TFDP2: variants seen among roughly 807,000 people sequenced by gnomAD.
The protein encoded by TFDP2 is transcription factor Dp-2.
A neutral mutation model predicts 59.3 loss-of-function variants in TFDP2; 17 were observed. The ratio of observed to expected loss-of-function variants is 0.29; its 90% CI spans 0.20 to 0.43. The LOEUF (loss-of-function observed/expected upper bound fraction) is 0.43. Among genes scored for constraint, TFDP2 ranks in the 20% least tolerant of loss-of-function variants. TFDP2 has a pLI of 1.00. For synonymous variants in TFDP2, 180 were observed against 194.7 expected, an observed-to-expected ratio of 0.92 and a Z score of 0.63; for missense variants, 391 against 528.8, an observed-to-expected ratio of 0.74 and a Z score of 2.56.
chr3:142,022,984 G>A (rs1385994437), intron 3 of TFDP2, among the ~76,000 whole-genome samples: 1 of 151,442 alleles, frequency 6.6e-6, no homozygotes, highest in Non-Finnish European at 1.5e-5. Context: ...GCCGGGCGCA[G>A]TGGCATGCGC....
intron 1 of TFDP2, among the ~76,000 whole-genome samples, chr3:142,130,456 A>ATTGT (rs1035749969): frequency 6.7e-6 from 1 of 149,094 alleles, no homozygotes; most frequent in East Asian, 2.0e-4. Context: ...AATGGGAATT[A>ATTGT]TTGTTTGTTT....
intron 3 of TFDP2, among the ~76,000 whole-genome samples, chr3:142,058,575 C>A (rs979750379): frequency 6.6e-6 from 1 of 152,058 alleles, no homozygotes; most frequent in African/African-American, 2.4e-5. Context: ...TAATAATTTG[C>A]TAGAATGACA....
intron 1 of TFDP2, among the ~76,000 whole-genome samples, chr3:142,118,338 A>C (rs2061917022): frequency 6.6e-6 from 1 of 152,338 alleles, no homozygotes; most frequent in East Asian, 1.9e-4. Context: ...TGTACTGCAA[A>C]GTCAGAAAAT....
At chr3:141,991,617 C>T (rs9868050) in intron 6 of TFDP2, among the ~76,000 whole-genome samples, 10,345 of 151,994 alleles carry the variant, frequency 0.068, 445 homozygotes, top group Non-Finnish European at 0.1. Flanking sequence ...AATTAGCGGG[C>T]ACACGCCTGT....
intron 4 of TFDP2, among the ~76,000 whole-genome samples, chr3:141,996,505 G>A (rs1343259190): frequency 2.0e-5 from 3 of 152,190 alleles, no homozygotes; most frequent in Non-Finnish European, 4.4e-5. Context: ...TATTTCTACT[G>A]CCTTATGCAA....
Position 141,988,016 on chromosome 3 carries a change from G to A in TFDP2, c.356+5522C>T, listed in dbSNP as rs186312802. Among the ~76,000 whole-genome samples, 112 of 150,762 alleles carry A rather than the reference G, an allele frequency of 7.4e-4. 1 individual carries two copies. Among genetic ancestry groups the A allele is most frequent in the African/African-American group, 2.7e-3 (112 of 41,386 alleles). On this transcript the variant is annotated intron_variant, in intron 6 of 12. Coordinates refer to ENST00000489671, the MANE Select transcript of TFDP2 (RefSeq NM_001178139.2). Reference sequence around the variant, plus strand: ...GGCTGGAGTGCAGGGGCCTGATCTTGGCTCATTGCAGCCTTGACCTCCTAT... The same window carrying A: ...GGCTGGAGTGCAGGGGCCTGATCTTAGCTCATTGCAGCCTTGACCTCCTAT...
At chr3:142,005,941 G>A (rs1186537568) in intron 3 of TFDP2, among the ~76,000 whole-genome samples, 1 of 152,118 alleles carries the variant, frequency 6.6e-6, no homozygotes, top group Non-Finnish European at 1.5e-5. Context: ...TATACTTGAT[G>A]ATGAAACATA....
intron 6 of TFDP2, among the ~76,000 whole-genome samples, chr3:141,983,473 C>CA (rs1941711718): frequency 6.6e-6 from 1 of 151,722 alleles, no homozygotes; most frequent in African/African-American, 2.4e-5. Flanking sequence ...TCCATCTCCA[C>CA]AAAAAAATAC....
chr3:142,147,690 C>G (rs2063223487), intron 1 of TFDP2, among the ~76,000 whole-genome samples: 1 of 150,540 alleles, frequency 6.6e-6, no homozygotes, highest in Admixed American at 6.6e-5. Context: ...CAAACTGCAA[C>G]TGCACAGCCA....
intron 3 of TFDP2, among the ~76,000 whole-genome samples, chr3:142,048,042 C>G (rs1307209240): frequency 6.6e-6 from 1 of 152,002 alleles, no homozygotes; most frequent in Non-Finnish European, 1.5e-5. Flanking sequence ...ACTCCTGGCC[C>G]TAATATGCTA....
Position 141,995,098 on chromosome 3 carries a change from A to G in TFDP2, c.230T>C (p.Leu77Pro). The G allele has an allele frequency of 6.2e-7, 1 of 1,610,914 alleles. No individual in the cohort carries two copies. The highest frequency in any genetic ancestry group is 8.5e-7 in the Non-Finnish European group (1 of 1,178,220). ...PQRLTSSGSV[L>P]IGSPYTPAPA... ...TGCAGGGGTATATGGACTCCCAATC[A>G]GAACACTTCCTGAACTGGTTAGTCT... The change falls in exon 5 of 13, where the codon CTG becomes CCG. Residue 77 changes from leucine (L) to proline (P), a missense_variant. Around this residue, in one of 3 missense-constraint regions of TFDP2, gnomAD observed 162 missense variants for 206.8 expected, o/e 0.78. Coordinates refer to ENST00000489671, the MANE Select transcript of TFDP2 (RefSeq NM_001178139.2).
chr3:142,148,970 G>A (rs192890369), intron 1 of TFDP2, among the ~76,000 whole-genome samples: 154 of 152,350 alleles, frequency 1.0e-3, no homozygotes, highest in South Asian at 1.9e-3. Context: ...TTTGCTCTAT[G>A]CACTAAGAGG....
Position 141,969,040 on chromosome 3 carries a change from A to AT in TFDP2, c.732+1032_732+1033insA, listed in dbSNP as rs1351731845. Among the ~76,000 whole-genome samples, 7 of 86,996 alleles carry AT rather than the reference A, an allele frequency of 8.0e-5. 1 individual carries two copies. The highest frequency in any genetic ancestry group is 2.9e-4 in the Admixed American group (2 of 6,824). 57.1% of individuals were successfully genotyped at this position (86,996 alleles called of 152,430 possible). On this transcript the variant is annotated intron_variant, in intron 9 of 12. Coordinates refer to ENST00000489671, the MANE Select transcript of TFDP2 (RefSeq NM_001178139.2). ...TATATATAACATATATCTCATATAT[A>AT]GATATATATATAACATATATATCTC... is the stretch of plus-strand genomic sequence containing the variant.
At chr3:141,970,231 T>C (rs1939507651) in intron 8 of TFDP2, 90 bp from the exon 9 acceptor site, 2 of 1,267,026 alleles carry the variant, frequency 1.6e-6, no homozygotes, top group Non-Finnish European at 2.3e-6. Flanking sequence ...GATAACAATT[T>C]TCCCTAGAGA....
chr3:142,012,651 T>C (rs986362438), intron 3 of TFDP2, among the ~76,000 whole-genome samples: 3 of 152,212 alleles, frequency 2.0e-5, no homozygotes, highest in Admixed American at 6.5e-5. Context: ...AGAACACGAT[T>C]ACATTTACCT....
intron 9 of TFDP2, among the ~76,000 whole-genome samples, chr3:141,969,193 TATATATATATAAC>T (rs1939240184): frequency 1.2e-5 from 1 of 83,286 alleles, no homozygotes; most frequent in Non-Finnish European, 2.2e-5. Context: ...ATATATGAGA[TATATATATATAAC>T]ATATATATAT....
intron 3 of TFDP2, among the ~76,000 whole-genome samples, chr3:142,069,897 C>T (rs975031808): frequency 7.9e-5 from 12 of 151,918 alleles, no homozygotes; most frequent in Admixed American, 2.0e-4. Flanking sequence ...GCTTGAGCCA[C>T]CACGCCTGGC....
chr3:142,087,825 T>G (rs1197467241), intron 3 of TFDP2, among the ~76,000 whole-genome samples: 1 of 152,194 alleles, frequency 6.6e-6, no homozygotes, highest in Non-Finnish European at 1.5e-5. Context: ...TCTTTACTGA[T>G]TCATTAAGTC....
intron 3 of TFDP2, among the ~76,000 whole-genome samples, chr3:142,013,991 C>T (rs1443463600): frequency 5.3e-5 from 8 of 152,154 alleles, no homozygotes; most frequent in Admixed American, 5.2e-4. Flanking sequence ...TACATCACAT[C>T]CTCCTACAAG....
Sources: allele counts gnomAD v4.1 joint callset (sites outside exome capture counted in the v4.1 genomes callset), GRCh38; gene constraint gnomAD v4.1.1; regional missense constraint gnomAD v4.1.1; transcripts MANE v1.5; gene names NCBI Gene and HGNC (gene_info 2026-07-23, HGNC 2026-07-21).